The following KCNT1 variants were observed in gnomAD, a reference collection of about 807,000 sequenced individuals.
KCNT1 encodes potassium sodium-activated channel subfamily T member 1.
KCNT1 carries 78 observed loss-of-function variants against 147.8 expected under a neutral mutation model. The ratio of observed to expected loss-of-function variants is 0.53; its 90% CI spans 0.44 to 0.64. The LOEUF (loss-of-function observed/expected upper bound fraction) is 0.64. Ranked by LOEUF, KCNT1 falls within the 30% of genes least tolerant of loss-of-function variation. The pLI is 0.00. For missense variants in KCNT1, 1,419 were observed against 1,750.3 expected, an observed-to-expected ratio of 0.81 and a Z score of 3.38; for synonymous variants, 867 against 748.8, an observed-to-expected ratio of 1.16 and a Z score of -2.58.
chr9:135,775,422 C>A lies in KCNT1; in HGVS notation c.2349+7C>A. ...CTGCCTGCGGCTGGACAAGGTAAGG[C>A]TGGCGGCTCTGCCGCGCTCTGCACC... On this transcript the variant is annotated splice_region_variant and intron_variant, in intron 20 of 30. Transcript: ENST00000371757. The A allele has an allele frequency of 6.2e-7, 1 of 1,604,590 alleles. No individual in the cohort carries two copies. The highest frequency in any genetic ancestry group is 8.5e-7 in the Non-Finnish European group (1 of 1,174,256).
chr9:135,704,065 G>A (rs112417440), intron 1 of KCNT1, among the ~76,000 whole-genome samples: 408 of 152,334 alleles, frequency 2.7e-3, no homozygotes, highest in African/African-American at 9.2e-3. Context: ...CAAGGCTTGC[G>A]GCCCAGGCAG....
In KCNT1 at chr9:135,786,356, G is replaced by A; in HGVS notation, c.3337G>A (p.Ala1113Thr). The change falls in exon 29 of 31, where the codon GCC (alanine) becomes ACC (threonine). Residue 1113 changes from alanine to threonine, a missense_variant. Transcript: ENST00000371757. ...GCTACGGCGCAAGAGCCTGCAGTGG[G>A]CCCGGAGGCTGAGCCGCAAGGCGCC... ...PLLRRKSLQW[A>T]RRLSRKAPKQ... 1 of 1,583,616 alleles carries A rather than the reference G, an allele frequency of 6.3e-7. No homozygotes were observed. Among genetic ancestry groups the A allele is most frequent in the Non-Finnish European group, 8.6e-7 (1 of 1,166,332 alleles).
Position 135,772,877 on chromosome 9 carries a change from C to T in KCNT1, c.2171C>T (p.Pro724Leu), listed in dbSNP as rs1832854534. The part of the protein sequence containing the change: ...LELADSSALL[P>L]CDLLSDQSED... ...CTGGCCGACAGCTCAGCCCTGCTGCCCTGCGACCTGCTGAGCGACCAGTCG... is the reference window on the plus strand; with the variant it reads ...CTGGCCGACAGCTCAGCCCTGCTGCTCTGCGACCTGCTGAGCGACCAGTCG... The change falls in exon 19 of 31, where the codon CCC (proline) becomes CTC (leucine). Residue 724 changes from proline (P) to leucine (L), a missense_variant. Pro to Leu is a moderately conservative substitution (Grantham distance 98, BLOSUM62 -3). This residue lies in a region of KCNT1 where 284 missense variants were observed against 292.8 expected (regional missense o/e 0.97). Coordinates refer to ENST00000371757, the MANE Select transcript of KCNT1 (RefSeq NM_020822.3). 3 of 1,558,392 alleles carry T rather than the reference C, an allele frequency of 1.9e-6. No homozygotes were observed. Among genetic ancestry groups the T allele is most frequent in the Non-Finnish European group, 2.6e-6 (3 of 1,152,316 alleles).
chr9:135,710,286 T>G lies in KCNT1; in HGVS notation c.111-4291T>G, dbSNP rs1564311493. On this transcript the variant is annotated intron_variant, in intron 1 of 30. Transcript: ENST00000371757. ...TTGGGGCTGCAGATGGGGTCTAATC[T>G]TATTTTATCCAACAGAAGACACTGC... 5.3e-5 allele frequency among the ~76,000 whole-genome samples: 8 copies of G among 152,310 alleles called. No individual in the cohort carries two copies. The South Asian group carries it at 1.7e-3, about 32-fold the overall frequency.
intron 18 of KCNT1, 98 bp downstream of exon 18, chr9:135,771,193 G>A: frequency 2.6e-6 from 3 of 1,142,662 alleles, no homozygotes; most frequent in East Asian, 2.5e-5. Flanking sequence ...GGGAGACCAG[G>A]CAGGACAGGG....
chr9:135,768,472 C>G, intron 13 of KCNT1, 138 bp from the exon 14 acceptor site: 1 of 631,772 alleles, frequency 1.6e-6, no homozygotes, highest in Non-Finnish European at 2.8e-6. Flanking sequence ...TCCATCCAGC[C>G]GTCCTCTCAG....
intron 1 of KCNT1, 51 bp downstream of exon 1, chr9:135,702,419 G>GA: frequency 7.9e-7 from 1 of 1,260,624 alleles, no homozygotes; most frequent in East Asian, 2.5e-5. Flanking sequence ...TCTAACCTAA[G>GA]ACCCCCAAGT....
chr9:135,728,158 T>C (rs564764433), intron 2 of KCNT1, among the ~76,000 whole-genome samples: 2 of 152,118 alleles, frequency 1.3e-5, no homozygotes, highest in South Asian at 2.1e-4. Flanking sequence ...TCCCCAGAAG[T>C]TGGAAGAGGC....
intron 29 of KCNT1, chr9:135,788,078 C>G (rs1564396655): frequency 6.4e-7 from 1 of 1,568,948 alleles, no homozygotes; most frequent in Admixed American, 1.7e-5. Flanking sequence ...TCTGTCTGTG[C>G]CTCTTTCTGT....
At chr9:135,764,859 T>C (rs1162540581) in intron 11 of KCNT1, among the ~76,000 whole-genome samples, 172 bp from the exon 12 acceptor site, 1 of 152,116 alleles carries the variant, frequency 6.6e-6, no homozygotes, top group Non-Finnish European at 1.5e-5. Context: ...TCTGAGGCTA[T>C]CAGCATCTAC....
chr9:135,781,692 C>A (rs1282746245), intron 24 of KCNT1, among the ~76,000 whole-genome samples: 1 of 151,208 alleles, frequency 6.6e-6, no homozygotes, highest in Non-Finnish European at 1.5e-5. Context: ...CAGCCAACAT[C>A]TTCTACATCC....
intron 4 of KCNT1, among the ~76,000 whole-genome samples, chr9:135,753,162 T>C (rs1347795181): frequency 6.6e-6 from 1 of 151,852 alleles, no homozygotes; most frequent in Admixed American, 6.6e-5. Context: ...AGTGGAAAGA[T>C]GGATGGGTGG....
At chr9:135,767,440 A>G (rs11103176) in intron 13 of KCNT1, among the ~76,000 whole-genome samples, 34,990 of 152,076 alleles carry the variant, frequency 0.23, 4,169 homozygotes, top group Middle Eastern at 0.33. Flanking sequence ...CAGCAGTGCT[A>G]GGTGGTTTCT....
rs1415252344 is a variant in KCNT1, at chr9:135,750,977, C to G, written c.370C>G (p.Leu124Val). Residue 124 changes from leucine to valine, a missense_variant, in exon 4 of 31, where the codon CTG becomes GTG. Coordinates refer to ENST00000371757, the MANE Select transcript of KCNT1 (RefSeq NM_020822.3). ...CCGGCTGTTCAACTTCTCCCTGAAG[C>G]TGCTCACCTGCCTGCTCTACATTGT... is the stretch of plus-strand genomic sequence containing the variant. ...RIRLFNFSLK[L>V]LTCLLYIVRV... 1.2e-6 allele frequency: 2 copies of G among 1,613,146 alleles called. No homozygotes were observed. Among genetic ancestry groups the G allele is most frequent in the South Asian group, 2.2e-5 (2 of 91,074 alleles).
chr9:135,753,969 A>G lies in KCNT1; in HGVS notation c.467A>G (p.Asn156Ser), dbSNP rs200632957. The change falls in exon 5 of 31, where the codon AAT becomes AGT. Residue 156 changes from asparagine (N) to serine (S), a missense_variant. Asn to Ser is a conservative substitution (Grantham distance 46). Transcript: ENST00000371757. ...WGCPKQNYSF[N>S]DSSSEINWAP... ...TGCCCAAAGCAGAACTACTCCTTCAATGACTCGTCCTCCGAGATCAACTGG... is the reference window on the plus strand; with the variant it reads ...TGCCCAAAGCAGAACTACTCCTTCAGTGACTCGTCCTCCGAGATCAACTGG... 250 of 1,613,974 alleles carry G rather than the reference A, an allele frequency of 1.5e-4. No individual in the cohort carries two copies. Among genetic ancestry groups the G allele is most frequent in the Non-Finnish European group, 3.8e-5 (45 of 1,180,000 alleles).
intron 17 of KCNT1, 86 bp from the exon 18 acceptor site, chr9:135,770,771 C>A: frequency 7.7e-7 from 1 of 1,290,494 alleles, no homozygotes; most frequent in Non-Finnish European, 1.1e-6. Context: ...CCGGTGGGGA[C>A]TCTGGTGATT....
intron 2 of KCNT1, among the ~76,000 whole-genome samples, chr9:135,720,300 A>G (rs1346635484): frequency 6.6e-6 from 1 of 151,904 alleles, no homozygotes; most frequent in Non-Finnish European, 1.5e-5. Context: ...CTCCAAGCAG[A>G]AGGGGTTGCG....
At chr9:135,767,767 G>A (rs965083511) in intron 13 of KCNT1, among the ~76,000 whole-genome samples, 2 of 152,028 alleles carry the variant, frequency 1.3e-5, no homozygotes, top group Non-Finnish European at 2.9e-5. Flanking sequence ...GAGCCCCCTC[G>A]CACGACCTCC....
At chr9:135,750,248 T>C (rs1831074231) in intron 3 of KCNT1, 71 bp downstream of exon 3, 2 of 1,162,292 alleles carry the variant, frequency 1.7e-6, no homozygotes, top group Middle Eastern at 2.0e-4. Context: ...AGCCTGGCGA[T>C]GGCGAAGGCT....
Sources: allele counts gnomAD v4.1 joint callset (sites outside exome capture counted in the v4.1 genomes callset), GRCh38; gene constraint gnomAD v4.1.1; regional missense constraint gnomAD v4.1.1; transcripts MANE v1.5; gene names NCBI Gene and HGNC (gene_info 2026-07-23, HGNC 2026-07-21).